Variants in NCOA2 observed in about 807,000 individuals in gnomAD.
NCOA2 encodes class E basic helix-loop-helix protein 75.
A neutral mutation model predicts 145.1 loss-of-function variants in NCOA2; 21 were observed. That is an observed-to-expected ratio of 0.14 (90% CI 0.10 to 0.21). The LOEUF is 0.21. Ranked by LOEUF, NCOA2 falls within the 10% of genes least tolerant of loss-of-function variation. The pLI is 1.00. For missense variants in NCOA2, 1,472 were observed against 1,837.6 expected (o/e 0.80, Z 3.64); for synonymous variants, 619 against 637.5 (o/e 0.97, Z 0.44).
Position 70,144,689 on chromosome 8 carries a change from T to C in NCOA2, c.2765A>G (p.Asn922Ser), listed in dbSNP as rs1810821045. 1 of 1,613,916 alleles carries C rather than the reference T, an allele frequency of 6.2e-7. No homozygotes were observed. The highest frequency in any genetic ancestry group is 8.5e-7 in the Non-Finnish European group (1 of 1,179,898). ...SVIPQPGMMG[N>S]QGMIGNQGNL... Reference sequence around the variant, plus strand: ...TCCTTGGTTTCCTATCATCCCTTGATTACCCATCATTCCTGGCTGAGGTAT... The same window carrying C: ...TCCTTGGTTTCCTATCATCCCTTGACTACCCATCATTCCTGGCTGAGGTAT... The change falls in exon 13 of 23, where the codon AAT (asparagine) becomes AGT (serine). Residue 922 changes from asparagine (N) to serine (S), a missense_variant. Asn to Ser is a conservative substitution (Grantham distance 46, BLOSUM62 1). Around this residue, in one of 4 missense-constraint regions of NCOA2, gnomAD observed 953 missense variants for 1,062.1 expected, o/e 0.90. Coordinates refer to ENST00000452400, the MANE Select transcript of NCOA2 (RefSeq NM_006540.4).
chr8:70,247,785 T>C (rs1822754407), intron 2 of NCOA2, among the ~76,000 whole-genome samples: 1 of 152,244 alleles, frequency 6.6e-6, no homozygotes, highest in Non-Finnish European at 1.5e-5. Flanking sequence ...AGCCAGATCA[T>C]GGGCAGCAGC....
At chr8:70,367,023 T>C (rs1251328601) in intron 1 of NCOA2, among the ~76,000 whole-genome samples, 2 of 152,222 alleles carry the variant, frequency 1.3e-5, no homozygotes, top group Admixed American at 1.3e-4. Context: ...TTCCTGACAC[T>C]GCACAGCAGA....
chr8:70,328,833 G>T (rs1442128177), intron 1 of NCOA2, among the ~76,000 whole-genome samples: 1 of 152,062 alleles, frequency 6.6e-6, no homozygotes, highest in East Asian at 1.9e-4. Flanking sequence ...AGGATGCAGA[G>T]CAACTAGAAC....
chr8:70,165,483 G>A (rs76680814), intron 7 of NCOA2, among the ~76,000 whole-genome samples: 3,038 of 152,262 alleles, frequency 0.02, 120 homozygotes, highest in African/African-American at 0.068. Context: ...TTATGTAGCC[G>A]GGGATGTTTT....
At chr8:70,325,302 G>A (rs1806456015) in intron 1 of NCOA2, among the ~76,000 whole-genome samples, 1 of 152,126 alleles carries the variant, frequency 6.6e-6, no homozygotes, top group Admixed American at 6.5e-5. Context: ...TGGTTTTTCA[G>A]AAAAGTAGTA....
chr8:70,205,433 G>A (rs1335071156), intron 4 of NCOA2, among the ~76,000 whole-genome samples: 1 of 152,098 alleles, frequency 6.6e-6, no homozygotes, highest in Non-Finnish European at 1.5e-5. Flanking sequence ...CAAGAATACA[G>A]TAGTAGGCCA....
At chr8:70,229,412 G>C (rs1820940172) in intron 2 of NCOA2, among the ~76,000 whole-genome samples, 1 of 152,194 alleles carries the variant, frequency 6.6e-6, no homozygotes. Context: ...GTAGGCAAAG[G>C]TTTTATGAAT....
At position 70,156,760 on chromosome 8, in the gene NCOA2, A is replaced by G. The variant is rs771659808; in HGVS notation, c.1605T>C (p.Asn535=). The G allele has an allele frequency of 6.2e-5, 100 of 1,613,940 alleles. No individual in the cohort carries two copies. The highest frequency in any genetic ancestry group is 8.5e-5 in the Non-Finnish European group (100 of 1,179,866). ...GCCCCTCGCTGAGGGCCTGAAGTGCATTGAGGGAGCTGTTGGTATAACTAT... is the reference window on the plus strand; with the variant it reads ...GCCCCTCGCTGAGGGCCTGAAGTGCGTTGAGGGAGCTGTTGGTATAACTAT... ...NSHSYTNSSL[N]ALQALSEGHG... Residue 535 remains asparagine (N), a synonymous_variant, in exon 11 of 23, where the codon AAT becomes AAC. Transcript: ENST00000452400.
At chr8:70,118,236 G>A (rs1012032689) in intron 22 of NCOA2, among the ~76,000 whole-genome samples, 23 of 152,172 alleles carry the variant, frequency 1.5e-4, no homozygotes, top group Admixed American at 1.4e-3. Context: ...GATATGATAC[G>A]CTCAGAGGTT....
chr8:70,255,074 A>T (rs986647324), intron 2 of NCOA2, among the ~76,000 whole-genome samples: 1 of 152,208 alleles, frequency 6.6e-6, no homozygotes, highest in Non-Finnish European at 1.5e-5. Flanking sequence ...TTTATACCTC[A>T]ATGGTTAAAC....
intron 1 of NCOA2, among the ~76,000 whole-genome samples, chr8:70,308,197 A>G (rs1756549296): frequency 6.6e-6 from 1 of 152,188 alleles, no homozygotes; most frequent in South Asian, 2.1e-4. Flanking sequence ...AGTAAATGTG[A>G]AGAATCTGAC....
chr8:70,126,647 C>A lies in NCOA2; in HGVS notation c.3916+166G>T, dbSNP rs147758878. ...GAAGGTACTGTGCTGGACTTGGGGACTCCTCACAGGCCCCAACTGTCCTCC... is the reference window on the plus strand; with the variant it reads ...GAAGGTACTGTGCTGGACTTGGGGAATCCTCACAGGCCCCAACTGTCCTCC... On this transcript the variant is annotated intron_variant, in intron 19 of 22. Transcript: ENST00000452400. The A allele has an allele frequency of 2.0e-3, 1,264 of 635,658 alleles. 2 individuals carry two copies. The highest frequency in any genetic ancestry group is 3.0e-3 in the Non-Finnish European group (1,074 of 354,412). The allele number at this position is 635,658 out of a possible 1,614,324, so 39.4% of individuals were successfully genotyped here.
chr8:70,392,688 C>CCTTGG lies in NCOA2; in HGVS notation c.-77+11011_-77+11012insCCAAG, dbSNP rs1347767600. Among the ~76,000 whole-genome samples the CCTTGG allele has an allele frequency of 7.2e-5, 11 of 152,260 alleles. 1 individual carries two copies. The highest frequency in any genetic ancestry group is 3.4e-3 in the Middle Eastern group (1 of 294). ...ATTTGGTTTTGTTTTATTACCTTTT[C>CCTTGG]AGAACTACTGAATTTCCCCAAGGTT... On this transcript the variant is annotated intron_variant, in intron 1 of 22. Transcript: ENST00000452400.
chr8:70,173,623 C>A (rs1814490010), intron 5 of NCOA2, among the ~76,000 whole-genome samples: 2 of 152,054 alleles, frequency 1.3e-5, no homozygotes, highest in African/African-American at 2.4e-5. Flanking sequence ...TGTTTTCAAG[C>A]CAGTGATTCT....
intron 2 of NCOA2, among the ~76,000 whole-genome samples, chr8:70,257,768 T>C (rs750888365): frequency 2.6e-5 from 4 of 152,044 alleles, no homozygotes. Context: ...TTTTTCCCTG[T>C]TGTCCCTTGG....
intron 1 of NCOA2, among the ~76,000 whole-genome samples, chr8:70,338,902 C>T (rs947654383): frequency 5.9e-5 from 9 of 152,046 alleles, no homozygotes; most frequent in Non-Finnish European, 1.2e-4. Context: ...TTCAACATCC[C>T]TTCATGTTAA....
chr8:70,452,341 T>C, the NCOA2 span, among the ~76,000 whole-genome samples: 1 of 152,176 alleles, frequency 6.6e-6, no homozygotes, highest in Non-Finnish European at 1.5e-5. Flanking sequence ...TGTTAAAAGA[T>C]GTTTAACACC....
the NCOA2 span, among the ~76,000 whole-genome samples, chr8:70,452,351 C>G: frequency 6.6e-6 from 1 of 152,084 alleles, no homozygotes. Context: ...TGTTTAACAC[C>G]ACTAATCATT....
the NCOA2 span, among the ~76,000 whole-genome samples, chr8:70,420,788 G>T: frequency 6.6e-6 from 1 of 152,104 alleles, no homozygotes; most frequent in Non-Finnish European, 1.5e-5. Context: ...GGGACTACAA[G>T]CCTGCACCAC....
Sources: gnomAD v4.1 joint callset for allele counts (sites outside exome capture counted in the v4.1 genomes callset) on GRCh38, gnomAD v4.1.1 for gene constraint, gnomAD v4.1.1 regional missense constraint, MANE v1.5 for transcripts, NCBI Gene and HGNC (gene_info 2026-07-23, HGNC 2026-07-21) for gene names.